Variants in MEI1 observed in about 807,000 individuals in gnomAD.
The protein encoded by MEI1 is meiotic double-stranded break formation protein 1, also known as meiosis inhibitor protein 1.
Under a neutral mutation model 146.2 loss-of-function variants are expected in MEI1, and 103 were observed. The ratio of observed to expected loss-of-function variants is 0.70; its 90% confidence interval spans 0.60 to 0.83. MEI1 has a LOEUF of 0.83. MEI1 is among the 40% of genes least tolerant of loss of function. The pLI is 0.00. For missense variants in MEI1, 1,529 were observed against 1,533.0 expected, an observed-to-expected ratio of 1.00 and a Z score of 0.04; for synonymous variants, 652 against 628.2, an observed-to-expected ratio of 1.04 and a Z score of -0.57.
intron 6 of MEI1, among the ~76,000 whole-genome samples, chr22:41,722,787 T>A (rs1485711419): frequency 6.6e-6 from 1 of 152,182 alleles, no homozygotes; most frequent in African/African-American, 2.4e-5. Context: ...CCTCTGGGCT[T>A]TTTTCCACAT....
chr22:41,763,108 C>T, intron 18 of MEI1, 66 bp from the exon 19 acceptor site: 1 of 1,566,808 alleles, frequency 6.4e-7, no homozygotes, highest in South Asian at 1.2e-5. Context: ...TGCGGCCAGG[C>T]AGAATAGAAG....
At chr22:41,718,956 C>T (rs2070467952) in intron 6 of MEI1, among the ~76,000 whole-genome samples, 1 of 150,226 alleles carries the variant, frequency 6.7e-6, no homozygotes, top group African/African-American at 2.5e-5. Context: ...ACTGCAACCT[C>T]TACCTCCCCG....
chr22:41,719,628 A>G (rs939455918), intron 6 of MEI1, among the ~76,000 whole-genome samples: 1 of 152,168 alleles, frequency 6.6e-6, no homozygotes. Context: ...AGCTCCTGAT[A>G]CCGCTGCATT....
chr22:41,743,263 T>TATTCC, intron 12 of MEI1, 69 bp downstream of exon 12: 1 of 1,102,390 alleles, frequency 9.1e-7, no homozygotes, highest in Non-Finnish European at 1.4e-6. Flanking sequence ...ATAATTAGTA[T>TATTCC]ATTCCCTTAC....
intron 22 of MEI1, among the ~76,000 whole-genome samples, chr22:41,779,475 A>AC (rs2075641422): frequency 6.6e-6 from 1 of 152,142 alleles, no homozygotes; most frequent in African/African-American, 2.4e-5. Flanking sequence ...AATCTGTATG[A>AC]CAGGCACAAG....
At chr22:41,765,129 C>T (rs1602023021) in intron 19 of MEI1, among the ~76,000 whole-genome samples, 1 of 152,158 alleles carries the variant, frequency 6.6e-6, no homozygotes, top group Non-Finnish European at 1.5e-5. Context: ...CTCAGCCTCC[C>T]GAGTAGCTGG....
At chr22:41,704,624 G>A (rs1367670211) in intron 2 of MEI1, among the ~76,000 whole-genome samples, 1 of 151,768 alleles carries the variant, frequency 6.6e-6, no homozygotes, top group Non-Finnish European at 1.5e-5. Context: ...ATGTTGGCCA[G>A]GCTGGTCTCG....
chr22:41,699,809 C>T, intron 1 of MEI1, 97 bp downstream of exon 1: 4 of 1,384,138 alleles, frequency 2.9e-6, no homozygotes, highest in East Asian at 2.6e-5. Context: ...GTGAACCCGA[C>T]GCGAAACCGG....
chr22:41,752,662 T>C lies in MEI1; in HGVS notation c.1853+11T>C, dbSNP rs752256877. 10 of 1,587,682 alleles carry C rather than the reference T, an allele frequency of 6.3e-6. 1 individual carries two copies. The highest frequency in any genetic ancestry group is 1.6e-4 in the Middle Eastern group (1 of 6,070). The stretch of plus-strand genomic sequence containing the variant: ...TTGCAGTGGTCTGAGGTATGTGTGG[T>C]CCCAGGCAAGATTGAGTGGCCAAGG... On this transcript the variant is annotated intron_variant, in intron 16 of 30. Transcript: ENST00000401548.
In MEI1 at chr22:41,789,168, C is replaced by T. The variant is rs564714895; in HGVS notation, c.3345+4385C>T. 2.1e-3 allele frequency among the ~76,000 whole-genome samples: 326 copies of T among 152,124 alleles called. 3 individuals carry two copies. The highest frequency in any genetic ancestry group is 2.6e-3 in the Non-Finnish European group (180 of 68,002). ...CTACTAAAAATACAAAAAAATTAGC[C>T]GGGCGTGGTGGCGCGCACCTGTAAT... On this transcript the variant is annotated intron_variant, in intron 26 of 30. Transcript: ENST00000401548.
At chr22:41,770,281 A>G (rs2075100341) in intron 19 of MEI1, among the ~76,000 whole-genome samples, 1 of 152,104 alleles carries the variant, frequency 6.6e-6, no homozygotes, top group Non-Finnish European at 1.5e-5. Context: ...CACACTGACA[A>G]TTACAACCCA....
At chr22:41,766,077 G>A (rs1418629291) in intron 19 of MEI1, among the ~76,000 whole-genome samples, 1 of 151,734 alleles carries the variant, frequency 6.6e-6, no homozygotes, top group African/African-American at 2.4e-5. Context: ...TTTCTTAGTA[G>A]AGACGGGGTT....
At chr22:41,754,097 T>G in intron 17 of MEI1, 51 bp downstream of exon 17, 2 of 1,357,426 alleles carry the variant, frequency 1.5e-6, no homozygotes, top group South Asian at 2.3e-5. Context: ...GTCTTTAGAG[T>G]CTGGGTGCCT....
intron 9 of MEI1, 68 bp downstream of exon 9, chr22:41,730,705 G>A (rs958737039): frequency 2.5e-5 from 24 of 971,526 alleles, no homozygotes; most frequent in East Asian, 2.2e-4. Flanking sequence ...GGTAGCAGCC[G>A]CAGTGATGGG....
chr22:41,723,572 G>A (rs1601749102), intron 6 of MEI1, among the ~76,000 whole-genome samples: 1 of 152,108 alleles, frequency 6.6e-6, no homozygotes, highest in East Asian at 1.9e-4. Flanking sequence ...CCCTTTGTTA[G>A]TCAAAAAATA....
chr22:41,709,083 A>G (rs2069328640), intron 3 of MEI1: 1 of 554,468 alleles, frequency 1.8e-6, no homozygotes, highest in South Asian at 1.8e-5. Context: ...CCCTTCCCCA[A>G]AATATAACAG....
rs1569203743 is a variant in MEI1 at position 41,732,481 on chromosome 22, G to A, written c.1209G>A (p.Glu403=). The A allele has an allele frequency of 6.2e-7, 1 of 1,613,886 alleles. No individual in the cohort carries two copies. Residue 403 remains glutamate, a synonymous_variant, in exon 11 of 31, where the codon GAG becomes GAA. Transcript: ENST00000401548. ...TTCCATTTCTCAGGCAGCCAGAGGA[G>A]ATCAAGCTGTTCACAAGCTCAGCCA... ...FAEILTRQPE[E]IKLFTSSAMC...
intron 18 of MEI1, among the ~76,000 whole-genome samples, chr22:41,759,909 C>T (rs1408549766): frequency 6.6e-6 from 1 of 152,076 alleles, no homozygotes; most frequent in African/African-American, 2.4e-5. Context: ...TACGGTGGCT[C>T]ACATCTGTAA....
intron 19 of MEI1, among the ~76,000 whole-genome samples, chr22:41,768,876 C>T (rs545023898): frequency 6.6e-6 from 1 of 152,276 alleles, no homozygotes; most frequent in South Asian, 2.1e-4. Context: ...ATCATATCAA[C>T]TTATATAGTG....
Sources: allele counts gnomAD v4.1 joint callset (sites outside exome capture counted in the v4.1 genomes callset), GRCh38; gene constraint gnomAD v4.1.1; transcripts MANE v1.5; gene names NCBI Gene and HGNC (gene_info 2026-07-23, HGNC 2026-07-21).